Variants in GCNT2 observed in about 807,000 individuals in gnomAD.
GCNT2 encodes glucosaminyl (N-acetyl) transferase 2 (I blood group), also known as N-acetyllactosaminide beta-1,6-N-acetylglucosaminyl-transferase.
In GCNT2, 34 loss-of-function variants were observed where a neutral mutation model predicts 34.2. The ratio of observed to expected loss-of-function variants is 1.00; its 90% CI spans 0.76 to 1.32. The LOEUF is 1.32. Among genes scored for constraint, GCNT2 ranks in the 40% most tolerant of loss-of-function variants. The pLI, the probability that GCNT2 is intolerant of heterozygous loss-of-function variation, is 0.00. For synonymous variants in GCNT2, 212 were observed against 188.0 expected (o/e 1.13, Z -1.04); for missense variants, 584 against 489.4 (o/e 1.19, Z -1.82).
intron 3 of GCNT2, among the ~76,000 whole-genome samples, chr6:10,561,388 C>T (rs1397867741): frequency 1.3e-5 from 2 of 152,174 alleles, no homozygotes; most frequent in East Asian, 3.9e-4. Flanking sequence ...TCTCGAACTC[C>T]CGACCTCAGC....
chr6:10,585,852 A>G (rs1251834747), intron 3 of GCNT2: 1 of 1,508,126 alleles, frequency 6.6e-7, no homozygotes, highest in African/African-American at 1.4e-5. Flanking sequence ...GGAGGATTAA[A>G]GGATTCAGGA....
At chr6:10,596,620 A>G (rs1764864542) in intron 3 of GCNT2, among the ~76,000 whole-genome samples, 1 of 151,968 alleles carries the variant, frequency 6.6e-6, no homozygotes, top group African/African-American at 2.4e-5. Context: ...AGTGGGGTAC[A>G]CTGGTATCCC....
In GCNT2 at chr6:10,556,940, A is replaced by G. The variant is rs560637463; in HGVS notation, c.925+27104A>G. On this transcript the variant is annotated intron_variant, in intron 3 of 4. Coordinates refer to ENST00000495262, the MANE Select transcript of GCNT2 (RefSeq NM_145649.5). ...GCTCCAGGCTGACCTGAACTGCATC[A>G]GAGATCTTTCTGCCTTCGAGGTCTC... 1.5e-3 allele frequency: 2,380 copies of G among 1,614,140 alleles called. 59 individuals are homozygous for G. The South Asian group carries it at 0.025, about 17-fold the overall frequency.
At chr6:10,624,172 C>T (rs1394366122) in intron 4 of GCNT2, among the ~76,000 whole-genome samples, 1 of 152,180 alleles carries the variant, frequency 6.6e-6, no homozygotes, top group Non-Finnish European at 1.5e-5. Flanking sequence ...TAAGGGACAC[C>T]TTTTCAGCTT....
intron 1 of GCNT2, among the ~76,000 whole-genome samples, chr6:10,522,389 A>G (rs183238701): frequency 1.1e-4 from 16 of 152,294 alleles, no homozygotes; most frequent in African/African-American, 3.4e-4. Context: ...GCCAAACTCA[A>G]AGCTACTTTT....
intron 3 of GCNT2, among the ~76,000 whole-genome samples, chr6:10,599,255 G>A (rs1428223249): frequency 2.0e-5 from 3 of 152,178 alleles, no homozygotes; most frequent in Non-Finnish European, 2.9e-5. Context: ...GTTCACAGGC[G>A]CGTCAGTCCA....
intron 3 of GCNT2, among the ~76,000 whole-genome samples, chr6:10,576,612 G>T (rs1426589826): frequency 1.3e-5 from 2 of 152,154 alleles, no homozygotes; most frequent in Admixed American, 1.3e-4. Flanking sequence ...TTAGGGGGAG[G>T]TAGGAGGAAT....
intron 3 of GCNT2, chr6:10,555,821 T>C: frequency 1.0e-6 from 1 of 985,388 alleles, no homozygotes; most frequent in Non-Finnish European, 1.2e-6. Context: ...TTGTGTCACG[T>C]TTCCTGAAAC....
At chr6:10,590,334 G>A (rs1315562791) in intron 3 of GCNT2, among the ~76,000 whole-genome samples, 1 of 151,572 alleles carries the variant, frequency 6.6e-6, no homozygotes. Flanking sequence ...GAAAAATCAA[G>A]GCTGCAGTGA....
intron 3 of GCNT2, among the ~76,000 whole-genome samples, chr6:10,617,747 C>CTTTTTTTTTTTTTTTTTT (rs1407402607): frequency 8.7e-6 from 1 of 114,296 alleles, no homozygotes; most frequent in African/African-American, 4.2e-5. Flanking sequence ...GTCTGCATTT[C>CTTTTTTTTTTTTTTTTTT]TTCTTTTTTT....
In GCNT2 at chr6:10,542,570, T is replaced by C. The variant is rs1762083291; in HGVS notation, c.925+12734T>C. 2.0e-5 allele frequency among the ~76,000 whole-genome samples: 3 copies of C among 152,354 alleles called. No individual in the cohort carries two copies. The South Asian group carries it at 6.2e-4, about 32-fold the overall frequency. ...TTTTCTGGCTCTATGGATTTGCCTT[T>C]TCTGGACATTTCATATTAACCAAAT... On this transcript the variant is annotated intron_variant, in intron 3 of 4. Transcript: ENST00000495262.
intron 3 of GCNT2, among the ~76,000 whole-genome samples, chr6:10,604,367 C>T (rs1454246018): frequency 2.0e-5 from 3 of 152,204 alleles, no homozygotes; most frequent in African/African-American, 4.8e-5. Context: ...AGTAAAGACT[C>T]ACAAGGTAAA....
chr6:10,576,013 C>T (rs1222220795), intron 3 of GCNT2, among the ~76,000 whole-genome samples: 1 of 152,192 alleles, frequency 6.6e-6, no homozygotes, highest in Non-Finnish European at 1.5e-5. Context: ...ATGTTGCTCA[C>T]ACAAAGCCTG....
At chr6:10,533,087 G>A (rs1041718113) in intron 3 of GCNT2, among the ~76,000 whole-genome samples, 4 of 150,698 alleles carry the variant, frequency 2.7e-5, no homozygotes, top group East Asian at 4.0e-4. Flanking sequence ...TGGGTGGATC[G>A]CCTGAAGTCA....
At chr6:10,558,277 T>C (rs1762814467) in intron 3 of GCNT2, among the ~76,000 whole-genome samples, 1 of 152,160 alleles carries the variant, frequency 6.6e-6, no homozygotes, top group Admixed American at 6.6e-5. Context: ...TAAGTATATA[T>C]TAGATGAATA....
intron 3 of GCNT2, among the ~76,000 whole-genome samples, chr6:10,576,292 G>T (rs547473288): frequency 7.7e-4 from 117 of 152,206 alleles, no homozygotes; most frequent in Non-Finnish European, 1.4e-3. Flanking sequence ...GCATTGTTAT[G>T]GCTATTTTCG....
chr6:10,594,105 G>A (rs887893220), intron 3 of GCNT2, among the ~76,000 whole-genome samples: 1 of 152,208 alleles, frequency 6.6e-6, no homozygotes, highest in African/African-American at 2.4e-5. Context: ...TGCAGGTCCT[G>A]TTAAAGCACA....
intron 3 of GCNT2, among the ~76,000 whole-genome samples, chr6:10,564,021 A>T (rs1581413158): frequency 2.6e-5 from 4 of 152,030 alleles, no homozygotes; most frequent in African/African-American, 9.7e-5. Flanking sequence ...ATGGTTATAT[A>T]ATTAGACCCA....
intron 3 of GCNT2, among the ~76,000 whole-genome samples, chr6:10,559,183 G>A (rs1156427873): frequency 6.7e-6 from 1 of 149,922 alleles, no homozygotes; most frequent in Non-Finnish European, 1.5e-5. Flanking sequence ...AATAATATAA[G>A]AAAATCAAGG....
Sources: allele counts gnomAD v4.1 joint callset (sites outside exome capture counted in the v4.1 genomes callset), GRCh38; gene constraint gnomAD v4.1.1; transcripts MANE v1.5; gene names NCBI Gene and HGNC (gene_info 2026-07-23, HGNC 2026-07-21).